The following MARCHF8 variants were observed in gnomAD, a reference collection of about 807,000 sequenced individuals.
The protein encoded by MARCHF8 is membrane associated ring-CH-type finger 8.
MARCHF8 carries 40 observed loss-of-function variants against 51.6 expected under a neutral mutation model. The observed-to-expected ratio is 0.77, with a 90% CI of 0.60 to 1.01. MARCHF8 has a LOEUF of 1.01. Among genes scored for constraint, MARCHF8 ranks in the 50% least tolerant of loss-of-function variants. MARCHF8 has a pLI of 0.00. For missense variants in MARCHF8, 685 were observed against 708.6 expected, an observed-to-expected ratio of 0.97 and a Z score of 0.38; for synonymous variants, 263 against 280.3, an observed-to-expected ratio of 0.94 and a Z score of 0.62.
intron 1 of MARCHF8, among the ~76,000 whole-genome samples, chr10:45,572,335 C>T (rs887164036): frequency 2.0e-4 from 30 of 152,186 alleles, no homozygotes; most frequent in Non-Finnish European, 3.4e-4. Context: ...GGACTTGCCT[C>T]CTTCACTATA....
At chr10:45,485,973 A>G (rs2042971764) in intron 3 of MARCHF8, among the ~76,000 whole-genome samples, 1 of 152,206 alleles carries the variant, frequency 6.6e-6, no homozygotes, top group Non-Finnish European at 1.5e-5. Flanking sequence ...AAATACTCCA[A>G]TAAAAAAACT....
chr10:45,485,805 G>A (rs1203087513), intron 3 of MARCHF8, among the ~76,000 whole-genome samples: 1 of 152,184 alleles, frequency 6.6e-6, no homozygotes, highest in African/African-American at 2.4e-5. Context: ...CTAAAAGTCA[G>A]CAGAAAGTCT....
chr10:45,512,434 G>A (rs1331707639), intron 2 of MARCHF8, among the ~76,000 whole-genome samples: 8 of 150,786 alleles, frequency 5.3e-5, no homozygotes, highest in Non-Finnish European at 7.4e-5. Flanking sequence ...CACCCCGTCC[G>A]GGAGGTGAGG....
At chr10:45,561,010 G>T (rs2044304374) in intron 1 of MARCHF8, among the ~76,000 whole-genome samples, 1 of 152,116 alleles carries the variant, frequency 6.6e-6, no homozygotes, top group Non-Finnish European at 1.5e-5. Context: ...TCCTTTCCCA[G>T]TTCTTTATGA....
intron 2 of MARCHF8, among the ~76,000 whole-genome samples, chr10:45,516,134 C>G (rs551793143): frequency 6.6e-6 from 1 of 152,310 alleles, no homozygotes; most frequent in East Asian, 1.9e-4. Flanking sequence ...TCTTCCACTT[C>G]CTGTTCTCTA....
At chr10:45,527,841 A>G (rs2043817266) in intron 2 of MARCHF8, among the ~76,000 whole-genome samples, 1 of 152,216 alleles carries the variant, frequency 6.6e-6, no homozygotes, top group South Asian at 2.1e-4. Context: ...ACACAGATGC[A>G]AAAACGCTCA....
In MARCHF8 at chr10:45,484,365, TGGTCAAGGACCCTGC is replaced by T. The variant is rs143810999; in HGVS notation, c.153+4987_153+5001del. Among the ~76,000 whole-genome samples, 588 of 152,270 alleles carry T rather than the reference TGGTCAAGGACCCTGC, an allele frequency of 3.9e-3. 11 individuals are homozygous for T. In the East Asian group the frequency reaches 0.056, roughly 14 times the overall value. On this transcript the variant is annotated intron_variant, in intron 3 of 7. Transcript: ENST00000453424. ...CTCCAGGATGGCTCGTGGGCCCACA[TGGTCAAGGACCCTGC>T]GGTGAGGTGAAGGTCTGGGCAAGAT...
intron 1 of MARCHF8, among the ~76,000 whole-genome samples, chr10:45,553,781 T>G (rs1258487900): frequency 1.3e-5 from 2 of 152,072 alleles, no homozygotes; most frequent in Non-Finnish European, 2.9e-5. Context: ...ACCATTCACC[T>G]AAGACGGGAT....
intron 3 of MARCHF8, among the ~76,000 whole-genome samples, chr10:45,487,621 G>C (rs1444035212): frequency 6.6e-6 from 1 of 152,124 alleles, no homozygotes; most frequent in Non-Finnish European, 1.5e-5. Flanking sequence ...CAAAAGAAAA[G>C]AAATGGAGGT....
chr10:45,552,925 A>G (rs562599470), intron 1 of MARCHF8, among the ~76,000 whole-genome samples: 111 of 152,346 alleles, frequency 7.3e-4, no homozygotes, highest in African/African-American at 2.4e-3. Context: ...ATGGACAAAC[A>G]TGTGGCTACA....
chr10:45,513,947 C>T (rs901029225), intron 2 of MARCHF8, among the ~76,000 whole-genome samples: 4 of 152,092 alleles, frequency 2.6e-5, no homozygotes, highest in African/African-American at 4.8e-5. Context: ...CCTGAAGGTG[C>T]GTTCATTAAA....
chr10:45,576,557 T>C (rs1218744262), intron 1 of MARCHF8, among the ~76,000 whole-genome samples: 2 of 152,116 alleles, frequency 1.3e-5, no homozygotes, highest in South Asian at 2.1e-4. Context: ...ATATTGTTAA[T>C]AGTTGTTAAT....
At chr10:45,462,028 C>T (rs1842804382) in intron 5 of MARCHF8, 1 of 152,214 alleles carries the variant, frequency 6.6e-6, no homozygotes, top group South Asian at 2.1e-4. Flanking sequence ...TGAAAGCACT[C>T]TCTATTTCCA....
chr10:45,561,476 T>C (rs2044309620), intron 1 of MARCHF8, among the ~76,000 whole-genome samples: 1 of 151,084 alleles, frequency 6.6e-6, no homozygotes, highest in African/African-American at 2.4e-5. Context: ...GGTTTCACCA[T>C]GTTGGCCAGG....
intron 1 of MARCHF8, among the ~76,000 whole-genome samples, chr10:45,546,138 T>TTTTACTTA (rs1554818045): frequency 2.0e-4 from 30 of 147,790 alleles, no homozygotes; most frequent in Non-Finnish European, 3.4e-4. Flanking sequence ...TGAGCTGAAT[T>TTTTACTTA]TTTATTTATT....
intron 1 of MARCHF8, among the ~76,000 whole-genome samples, chr10:45,568,792 G>T (rs1389368842): frequency 6.6e-6 from 1 of 151,352 alleles, no homozygotes; most frequent in Admixed American, 6.6e-5. Flanking sequence ...AAACAAGCCG[G>T]GTGTGCTGGC....
At chr10:45,556,821 A>C (rs1306434614) in intron 1 of MARCHF8, among the ~76,000 whole-genome samples, 1 of 152,160 alleles carries the variant, frequency 6.6e-6, no homozygotes, top group Non-Finnish European at 1.5e-5. Flanking sequence ...CCAAAACCCT[A>C]ATCTAGTGAT....
At chr10:45,549,095 T>C (rs186749944) in intron 1 of MARCHF8, among the ~76,000 whole-genome samples, 11 of 152,118 alleles carry the variant, frequency 7.2e-5, no homozygotes, top group Admixed American at 3.3e-4. Flanking sequence ...CTGATCCCTA[T>C]AGATAACGAA....
intron 1 of MARCHF8, among the ~76,000 whole-genome samples, chr10:45,585,325 G>A (rs1454104714): frequency 1.3e-5 from 2 of 152,062 alleles, no homozygotes; most frequent in Admixed American, 1.3e-4. Context: ...AAAAAAAATG[G>A]ACAATCCAGT....
Sources: allele counts gnomAD v4.1 joint callset (sites outside exome capture counted in the v4.1 genomes callset), GRCh38; gene constraint gnomAD v4.1.1; transcripts MANE v1.5; gene names NCBI Gene and HGNC (gene_info 2026-07-23, HGNC 2026-07-21).